The following MROH2B variants were observed in gnomAD, a reference collection of about 807,000 sequenced individuals.
The protein encoded by MROH2B is maestro heat-like repeat-containing protein family member 2B.
Under a neutral mutation model 208.6 loss-of-function variants are expected in MROH2B, and 177 were observed. The ratio of observed to expected loss-of-function variants is 0.85; its 90% CI spans 0.75 to 0.96. The LOEUF (loss-of-function observed/expected upper bound fraction) is 0.96, where lower values mean the gene tolerates loss of function less well. Among genes scored for constraint, MROH2B ranks in the 40% least tolerant of loss-of-function variants. MROH2B has a pLI of 0.00. For missense variants in MROH2B, 2,002 were observed against 1,878.7 expected, an observed-to-expected ratio of 1.07 and a Z score of -1.21; for synonymous variants, 728 against 659.0, an observed-to-expected ratio of 1.10 and a Z score of -1.60.
At chr5:41,005,505 G>T in intron 35 of MROH2B, 26 bp downstream of exon 35, 1 of 1,515,620 alleles carries the variant, frequency 6.6e-7, no homozygotes, top group Non-Finnish European at 9.0e-7. Context: ...CCCAGTGAGT[G>T]TGCTCTGAGG....
Position 41,015,404 on chromosome 5 carries a change from T to C in MROH2B, c.2959A>G (p.Lys987Glu). The change falls in exon 29 of 42, where the codon AAG (lysine) becomes GAG (glutamate). Residue 987 changes from lysine (K) to glutamate (E), a missense_variant. Physicochemically the swap from Lys to Glu is moderately conservative, Grantham distance 56 (BLOSUM62 1). Coordinates refer to ENST00000399564, the MANE Select transcript of MROH2B (RefSeq NM_173489.5). Reference sequence around the variant, plus strand: ...ACCTTAGCTATTTTAGAAGAAATCTTGATCTGAACCTGCACGTCATCACTT... The same window carrying C: ...ACCTTAGCTATTTTAGAAGAAATCTCGATCTGAACCTGCACGTCATCACTT... ...LESDDVQVQI[K>E]ISSKIAKIVS... The C allele has an allele frequency of 6.2e-7, 1 of 1,613,542 alleles. No individual in the cohort carries two copies. Among genetic ancestry groups the C allele is most frequent in the Non-Finnish European group, 8.5e-7 (1 of 1,179,646 alleles).
At chr5:40,999,246 G>A (rs1231907265) in intron 40 of MROH2B, among the ~76,000 whole-genome samples, 1 of 152,186 alleles carries the variant, frequency 6.6e-6, no homozygotes, top group Non-Finnish European at 1.5e-5. Context: ...AGGGGCTGCT[G>A]GCCCCCACAT....
chr5:41,040,379 C>A (rs79633227), intron 19 of MROH2B, among the ~76,000 whole-genome samples: 1 of 152,238 alleles, frequency 6.6e-6, no homozygotes, highest in South Asian at 2.1e-4. Flanking sequence ...AGTGGCATAA[C>A]CCTGCCAGAG....
chr5:41,060,497 T>G (rs879575703), intron 6 of MROH2B, among the ~76,000 whole-genome samples: 1 of 152,178 alleles, frequency 6.6e-6, no homozygotes, highest in Non-Finnish European at 1.5e-5. Flanking sequence ...CTTCTCCATC[T>G]CCCATCACAC....
chr5:41,052,433 G>A (rs754146554), intron 12 of MROH2B, 32 bp downstream of exon 12: 2 of 1,580,400 alleles, frequency 1.3e-6, no homozygotes, highest in Non-Finnish European at 8.6e-7. Context: ...ACTTTTTATA[G>A]TGCATCACTC....
In MROH2B at chr5:41,005,549, G is replaced by C. The variant is rs558497635; in HGVS notation, c.3846C>G (p.Gly1282=). The part of the protein sequence containing the change: ...TSSSENYRIT[G]AAFFSELMKE... ...CCCTTGCCTCAGAGAAGAAAGCTGC[G>C]CCGGTTATCCGGTAGTTCTCCGAGG... The change falls in exon 35 of 42, where the codon GGC becomes GGG. Residue 1282 remains glycine (G), a synonymous_variant. Coordinates refer to ENST00000399564, the MANE Select transcript of MROH2B (RefSeq NM_173489.5). 6.5e-5 allele frequency: 104 copies of C among 1,604,896 alleles called. No homozygotes were observed. In the South Asian group the frequency reaches 1.2e-3, roughly 18 times the overall value.
chr5:41,026,433 A>G (rs1561286892), intron 24 of MROH2B, among the ~76,000 whole-genome samples: 1 of 152,210 alleles, frequency 6.6e-6, no homozygotes, highest in Non-Finnish European at 1.5e-5. Context: ...ACTCCCATTC[A>G]CAATTGCTTC....
chr5:41,033,942 C>T (rs1742669303), intron 21 of MROH2B, 78 bp from the exon 22 acceptor site: 8 of 1,539,090 alleles, frequency 5.2e-6, no homozygotes, highest in Non-Finnish European at 7.0e-6. Flanking sequence ...AAAGGACTCA[C>T]CCATCAACCT....
At position 41,065,343 on chromosome 5, in the gene MROH2B, C is replaced by G; in HGVS notation, c.349G>C (p.Ala117Pro). Residue 117 changes from alanine to proline, a missense_variant, in exon 4 of 42, where the codon GCA becomes CCA. Physicochemically the swap from Ala to Pro is conservative, Grantham distance 27. Coordinates refer to ENST00000399564, the MANE Select transcript of MROH2B (RefSeq NM_173489.5). ...EFVVLALAEL[A>P]TSYVSQSIPF... ...ATTCCCGCTATACCATAGCTGGTTGCCAATTCAGCCAGGGCAAGCACAACG... is the reference window on the plus strand; with the variant it reads ...ATTCCCGCTATACCATAGCTGGTTGGCAATTCAGCCAGGGCAAGCACAACG... 3 of 1,611,622 alleles carry G rather than the reference C, an allele frequency of 1.9e-6. No homozygotes were observed. Among genetic ancestry groups the G allele is most frequent in the Middle Eastern group, 1.7e-4 (1 of 6,052 alleles).
At chr5:41,039,260 G>T (rs1742866604) in intron 20 of MROH2B, among the ~76,000 whole-genome samples, 188 bp downstream of exon 20, 1 of 152,136 alleles carries the variant, frequency 6.6e-6, no homozygotes, top group Non-Finnish European at 1.5e-5. Flanking sequence ...CAGCTTTAGG[G>T]TCAGAGAAAA....
intron 1 of MROH2B, among the ~76,000 whole-genome samples, chr5:41,070,137 T>C: frequency 6.6e-6 from 1 of 152,090 alleles, no homozygotes; most frequent in East Asian, 1.9e-4. Flanking sequence ...CATAGCTGTT[T>C]ATTTTTCACT....
chr5:41,018,452 TTC>T (rs1400232250), intron 26 of MROH2B, 22 bp from the exon 27 acceptor site: 1 of 1,603,148 alleles, frequency 6.2e-7, no homozygotes, highest in Admixed American at 1.7e-5. Flanking sequence ...AGAATAAATG[TTC>T]TTTCCTTAGT....
At chr5:41,008,910 G>T (rs180984763) in intron 32 of MROH2B, 117 bp from the exon 33 acceptor site, 3 of 1,085,412 alleles carry the variant, frequency 2.8e-6, no homozygotes, top group Non-Finnish European at 3.9e-6. Flanking sequence ...GAAAAGGGAG[G>T]GTTTATTGTC....
In MROH2B at chr5:41,045,861, A is replaced by G. The variant is rs1310928596; in HGVS notation, c.1729-8T>C. ...TAAGGATTCTTTGAGCAACTGTTGT[A>G]GGAAGTGGAAGTTAGATGTGAATAT... On this transcript the variant is annotated splice_polypyrimidine_tract_variant and splice_region_variant and intron_variant, in intron 17 of 41. Transcript: ENST00000399564. The G allele has an allele frequency of 6.2e-7, 1 of 1,602,766 alleles. No individual in the cohort carries two copies. Among genetic ancestry groups the G allele is most frequent in the Non-Finnish European group, 8.5e-7 (1 of 1,171,706 alleles).
chr5:41,038,394 G>C (rs1178355251), intron 21 of MROH2B, among the ~76,000 whole-genome samples: 4 of 151,984 alleles, frequency 2.6e-5, no homozygotes, highest in African/African-American at 7.3e-5. Flanking sequence ...ACCGCTCAGG[G>C]CTTTAGGAAA....
At chr5:41,028,212 G>C (rs1348747733) in intron 24 of MROH2B, among the ~76,000 whole-genome samples, 4 of 152,028 alleles carry the variant, frequency 2.6e-5, no homozygotes, top group Admixed American at 6.6e-5. Flanking sequence ...CGTAGTAAAA[G>C]GTTACCATAA....
chr5:41,022,613 A>T (rs1385773650), intron 24 of MROH2B, among the ~76,000 whole-genome samples: 2 of 152,184 alleles, frequency 1.3e-5, no homozygotes, highest in Non-Finnish European at 2.9e-5. Context: ...TGCAGACTCC[A>T]CCTCTGGTGG....
At chr5:41,025,756 TC>T (rs1579924448) in intron 24 of MROH2B, among the ~76,000 whole-genome samples, 1 of 152,080 alleles carries the variant, frequency 6.6e-6, no homozygotes, top group Non-Finnish European at 1.5e-5. Context: ...TAGACCAATA[TC>T]CCTGATGAAC....
intron 2 of MROH2B, among the ~76,000 whole-genome samples, chr5:41,068,994 A>C (rs1463249078): frequency 6.6e-6 from 1 of 152,176 alleles, no homozygotes; most frequent in Non-Finnish European, 1.5e-5. Flanking sequence ...TGCCCTTCAC[A>C]AGGAGACAAC....
Sources: allele counts gnomAD v4.1 joint callset (sites outside exome capture counted in the v4.1 genomes callset), GRCh38; gene constraint gnomAD v4.1.1; transcripts MANE v1.5; gene names NCBI Gene and HGNC (gene_info 2026-07-23, HGNC 2026-07-21).